The following GMDS variants were observed in gnomAD, a reference collection of about 807,000 sequenced individuals.
The protein encoded by GMDS is GDP-mannose 4,6-dehydratase, also known as GDP-mannose 4,6 dehydratase.
In GMDS, 20 loss-of-function variants were observed where a neutral mutation model predicts 49.9. The ratio of observed to expected loss-of-function variants is 0.40; its 90% CI spans 0.28 to 0.58. The LOEUF (loss-of-function observed/expected upper bound fraction) is 0.58. Ranked by LOEUF, GMDS falls within the 20% of genes least tolerant of loss-of-function variation. The pLI, the probability that GMDS is intolerant of heterozygous loss-of-function variation, is 0.42. For synonymous variants in GMDS, 177 were observed against 178.6 expected, an observed-to-expected ratio of 0.99 and a Z score of 0.07; for missense variants, 362 against 481.4, an observed-to-expected ratio of 0.75 and a Z score of 2.32.
chr6:2,127,115 G>A (rs1384635984), intron 1 of GMDS, among the ~76,000 whole-genome samples: 7 of 152,094 alleles, frequency 4.6e-5, no homozygotes, highest in African/African-American at 1.7e-4. Flanking sequence ...GTTAGATAAT[G>A]ACACTGACCA....
At chr6:2,064,768 G>A (rs573444868) in intron 4 of GMDS, among the ~76,000 whole-genome samples, 1 of 152,138 alleles carries the variant, frequency 6.6e-6, no homozygotes, top group Admixed American at 6.6e-5. Flanking sequence ...AGAAAACCTA[G>A]GCTGATTTCG....
intron 9 of GMDS, among the ~76,000 whole-genome samples, chr6:1,632,196 C>T (rs745704791): frequency 6.6e-6 from 1 of 152,192 alleles, no homozygotes; most frequent in African/African-American, 2.4e-5. Context: ...CTCAATAGGA[C>T]AAAACCCTCT....
chr6:2,235,671 G>T (rs1378162378), intron 1 of GMDS, among the ~76,000 whole-genome samples: 2 of 151,858 alleles, frequency 1.3e-5, no homozygotes, highest in Non-Finnish European at 2.9e-5. Flanking sequence ...AATTAGCCAG[G>T]CATAGTGGTG....
At chr6:1,974,384 A>T (rs1414278971) in intron 4 of GMDS, among the ~76,000 whole-genome samples, 1 of 152,214 alleles carries the variant, frequency 6.6e-6, no homozygotes, top group East Asian at 1.9e-4. Context: ...AAGAAAGAAC[A>T]GAGTGGGGTT....
chr6:1,967,404 A>C (rs758099941), intron 4 of GMDS, among the ~76,000 whole-genome samples: 38 of 152,308 alleles, frequency 2.5e-4, no homozygotes, highest in Middle Eastern at 3.4e-3. Flanking sequence ...TACAAACATC[A>C]ACACAAAAAC....
intron 4 of GMDS, among the ~76,000 whole-genome samples, chr6:2,071,775 T>G (rs961374571): frequency 6.6e-6 from 1 of 151,736 alleles, no homozygotes; most frequent in South Asian, 2.1e-4. Context: ...GTGTCTAAGA[T>G]AGCAAAAAGG....
At chr6:1,722,394 T>C (rs1350686178) in intron 9 of GMDS, among the ~76,000 whole-genome samples, 1 of 151,918 alleles carries the variant, frequency 6.6e-6, no homozygotes, top group Admixed American at 6.6e-5. Context: ...GCCAAACTGC[T>C]ATCATTTCTA....
At chr6:2,146,096 C>T in intron 1 of GMDS, among the ~76,000 whole-genome samples, 1 of 152,204 alleles carries the variant, frequency 6.6e-6, no homozygotes, top group Non-Finnish European at 1.5e-5. Context: ...GTTAAAACCA[C>T]AGCGAAATAA....
chr6:2,203,258 T>A (rs552757047), intron 1 of GMDS, among the ~76,000 whole-genome samples: 1 of 152,364 alleles, frequency 6.6e-6, no homozygotes, highest in African/African-American at 2.4e-5. Flanking sequence ...TGAGGACATT[T>A]ATTCAATTTT....
intron 7 of GMDS, among the ~76,000 whole-genome samples, chr6:1,801,915 C>T (rs1182134587): frequency 1.3e-5 from 2 of 152,198 alleles, no homozygotes; most frequent in African/African-American, 2.4e-5. Context: ...CAGAGAAAGA[C>T]TTCATCTAAT....
chr6:2,151,296 A>C (rs1384830970), intron 1 of GMDS, among the ~76,000 whole-genome samples: 1 of 151,088 alleles, frequency 6.6e-6, no homozygotes, highest in Non-Finnish European at 1.5e-5. Flanking sequence ...TAAATCACTT[A>C]ATATGTACCC....
At chr6:2,121,693 CT>C (rs901887467) in intron 2 of GMDS, among the ~76,000 whole-genome samples, 2 of 152,152 alleles carry the variant, frequency 1.3e-5, no homozygotes, top group Admixed American at 1.3e-4. Context: ...CCTATTTTTG[CT>C]TTAAGGCTAG....
At chr6:2,096,634 C>G (rs939148279) in intron 4 of GMDS, among the ~76,000 whole-genome samples, 1 of 152,162 alleles carries the variant, frequency 6.6e-6, no homozygotes, top group Admixed American at 6.5e-5. Context: ...TAAATAGGTT[C>G]TTTAGCTGGG....
intron 4 of GMDS, among the ~76,000 whole-genome samples, chr6:1,998,247 C>A (rs1177198843): frequency 1.3e-5 from 2 of 152,114 alleles, no homozygotes; most frequent in Admixed American, 1.3e-4. Flanking sequence ...ATCAACCTAA[C>A]GAAAAACTTC....
At chr6:1,960,113 TA>T in intron 5 of GMDS, 142 bp from the exon 6 acceptor site, 1 of 521,624 alleles carries the variant, frequency 1.9e-6, no homozygotes, top group East Asian at 3.1e-5. Context: ...AAAGACGAAA[TA>T]AAGGTTATTA....
rs76175264 is a variant in GMDS, at chr6:1,776,113, C to T, written c.772-33527G>A. Reference sequence around the variant, plus strand: ...ACTCAGTGCCTGCATCAACCTCCAACGAAAGCCGTGACCGTTCAGAATCCG... The same window carrying T: ...ACTCAGTGCCTGCATCAACCTCCAATGAAAGCCGTGACCGTTCAGAATCCG... On this transcript the variant is annotated intron_variant, in intron 7 of 10. Coordinates refer to ENST00000380815, the MANE Select transcript of GMDS (RefSeq NM_001500.4). Among the ~76,000 whole-genome samples the T allele has an allele frequency of 8.4e-3, 1,284 of 152,210 alleles. 15 individuals are homozygous for T. Among genetic ancestry groups the T allele is most frequent in the African/African-American group, 0.029 (1,186 of 41,526 alleles).
intron 1 of GMDS, among the ~76,000 whole-genome samples, chr6:2,150,019 C>G (rs1229897897): frequency 6.6e-6 from 1 of 152,072 alleles, no homozygotes; most frequent in African/African-American, 2.4e-5. Flanking sequence ...TATTTTTAAT[C>G]ATATTAACAA....
chr6:2,089,904 C>T (rs1773222366), intron 4 of GMDS, among the ~76,000 whole-genome samples: 1 of 152,100 alleles, frequency 6.6e-6, no homozygotes, highest in Admixed American at 6.6e-5. Flanking sequence ...CACGCTGGGG[C>T]CATGTGGAGA....
At chr6:2,240,915 T>C (rs1781587545) in intron 1 of GMDS, among the ~76,000 whole-genome samples, 2 of 152,154 alleles carry the variant, frequency 1.3e-5, no homozygotes, top group African/African-American at 4.8e-5. Context: ...TACAACCTGG[T>C]CATGTGATAG....
Sources: allele counts gnomAD v4.1 joint callset (sites outside exome capture counted in the v4.1 genomes callset), GRCh38; gene constraint gnomAD v4.1.1; transcripts MANE v1.5; gene names NCBI Gene and HGNC (gene_info 2026-07-23, HGNC 2026-07-21).